TBC1D16: variants seen among roughly 807,000 people sequenced by gnomAD.
The protein encoded by TBC1D16 is TBC1 domain family member 16, also known as CTD-2529O21.1.
TBC1D16 carries 58 observed loss-of-function variants against 74.7 expected under a neutral mutation model. The observed-to-expected ratio is 0.78, with a 90% CI of 0.63 to 0.97. The LOEUF (loss-of-function observed/expected upper bound fraction) is 0.97, where lower values mean the gene tolerates loss of function less well. Among genes scored for constraint, TBC1D16 ranks in the 50% least tolerant of loss-of-function variants. TBC1D16 has a pLI of 0.00. For synonymous variants in TBC1D16, 493 were observed against 474.7 expected (o/e 1.04, Z -0.50); for missense variants, 1,014 against 1,079.5 (o/e 0.94, Z 0.85).
At position 79,939,606 on chromosome 17, in the gene TBC1D16, C is replaced by G. The variant is rs1159143852; in HGVS notation, c.*1253G>C. 1.3e-5 allele frequency: 2 copies of G among 152,202 alleles called. No individual in the cohort carries two copies. The highest frequency in any genetic ancestry group is 2.9e-5 in the Non-Finnish European group (2 of 68,068). 9.4% of individuals were successfully genotyped at this position (152,202 alleles called of 1,614,324 possible). On this transcript the variant is annotated 3_prime_UTR_variant, in exon 12 of 12. Coordinates refer to ENST00000310924, the MANE Select transcript of TBC1D16 (RefSeq NM_019020.4). ...GGAGTGGCTTTCTGTGCAAATGGCT[C>G]GACACTTCTAAGCTGGCTGGGAGTT...
chr17:79,996,946 T>A (rs2035294633), intron 3 of TBC1D16, among the ~76,000 whole-genome samples: 1 of 152,150 alleles, frequency 6.6e-6, no homozygotes, highest in Non-Finnish European at 1.5e-5. Context: ...GTGCTGCTAC[T>A]CAGCAGTAGA....
intron 9 of TBC1D16, among the ~76,000 whole-genome samples, chr17:79,945,912 G>C (rs2032495555): frequency 6.6e-6 from 1 of 152,264 alleles, no homozygotes; most frequent in Non-Finnish European, 1.5e-5. Flanking sequence ...TTCCCACACA[G>C]GTGGCCCATT....
At chr17:79,953,604 C>T (rs1404799841) in intron 3 of TBC1D16, among the ~76,000 whole-genome samples, 1 of 152,198 alleles carries the variant, frequency 6.6e-6, no homozygotes, top group African/African-American at 2.4e-5. Flanking sequence ...CCCATGTTCT[C>T]ACCAGCATAC....
chr17:79,969,300 C>T (rs945622115), intron 3 of TBC1D16, among the ~76,000 whole-genome samples: 4 of 152,186 alleles, frequency 2.6e-5, no homozygotes, highest in Admixed American at 6.5e-5. Flanking sequence ...GCAGGAGAAT[C>T]GCTTGAACCT....
Position 80,011,271 on chromosome 17 carries a change from G to A in TBC1D16, c.182-514C>T, listed in dbSNP as rs4132551. ...TATGTTGCCCAGGCTAGTCTCAAACGCCTGAGCTCAAGCGAACCGCCCACC... is the reference window on the plus strand; with the variant it reads ...TATGTTGCCCAGGCTAGTCTCAAACACCTGAGCTCAAGCGAACCGCCCACC... On this transcript the variant is annotated intron_variant, in intron 2 of 11. Coordinates refer to ENST00000310924, the MANE Select transcript of TBC1D16 (RefSeq NM_019020.4). 4.2e-4 allele frequency among the ~76,000 whole-genome samples: 63 copies of A among 149,466 alleles called. 3 individuals are homozygous for A. In the East Asian group the frequency reaches 0.012, roughly 27 times the overall value.
intron 1 of TBC1D16, among the ~76,000 whole-genome samples, chr17:80,020,149 G>A (rs1023929929): frequency 6.7e-6 from 1 of 149,738 alleles, no homozygotes; most frequent in Non-Finnish European, 1.5e-5. Flanking sequence ...GCCTCCTAAG[G>A]AAACAATCCT....
Position 79,981,362 on chromosome 17 carries a change from T to G in TBC1D16, c.780-28544A>C, listed in dbSNP as rs991488358. Among the ~76,000 whole-genome samples the G allele has an allele frequency of 6.6e-6, 1 of 152,166 alleles. No individual in the cohort carries two copies. The highest frequency in any genetic ancestry group is 6.5e-5 in the Admixed American group (1 of 15,286). On this transcript the variant is annotated intron_variant, in intron 3 of 11. Transcript: ENST00000310924. This position sits in a 1 kb window ranked among gnomAD's most constrained non-coding sequence, Gnocchi z 6.9. Reference sequence around the variant, plus strand: ...GGCGGGTATGTTCTTAGACCCTCCATCTGCCCGGGCCCTGCTGGGAGAAGG... The same window carrying G: ...GGCGGGTATGTTCTTAGACCCTCCAGCTGCCCGGGCCCTGCTGGGAGAAGG...
chr17:79,959,916 T>C (rs1252834691), intron 3 of TBC1D16, among the ~76,000 whole-genome samples: 1 of 151,510 alleles, frequency 6.6e-6, no homozygotes, highest in Non-Finnish European at 1.5e-5. Flanking sequence ...GAAACAAAAA[T>C]GCAAGTCACA....
intron 1 of TBC1D16, among the ~76,000 whole-genome samples, chr17:80,027,900 A>C (rs1047401174): frequency 1.3e-5 from 2 of 151,736 alleles, no homozygotes; most frequent in East Asian, 3.9e-4. Context: ...TCAAAAAAAA[A>C]AAAAAAAAAA....
chr17:80,015,517 T>A (rs1303461262), intron 1 of TBC1D16, among the ~76,000 whole-genome samples: 1 of 152,138 alleles, frequency 6.6e-6, no homozygotes, highest in Non-Finnish European at 1.5e-5. Flanking sequence ...TGTCCAGGAC[T>A]CTGACCACAG....
rs570957769 is a variant in TBC1D16, at chr17:80,017,410, G to A, written c.-62-3801C>T. 1.7e-4 allele frequency among the ~76,000 whole-genome samples: 26 copies of A among 152,148 alleles called. No homozygotes were observed. In the East Asian group the frequency reaches 2.3e-3, roughly 14 times the overall value. ...AAAAACGTAAAAACCGGCCAGGCGC[G>A]GTGGCTCACGCCTGTAATCTTGGTA... On this transcript the variant is annotated intron_variant, in intron 1 of 11. Coordinates refer to ENST00000310924, the MANE Select transcript of TBC1D16 (RefSeq NM_019020.4).
chr17:79,953,958 C>T (rs1355860626), intron 3 of TBC1D16, among the ~76,000 whole-genome samples: 4 of 152,014 alleles, frequency 2.6e-5, no homozygotes, highest in Admixed American at 1.3e-4. Context: ...TTAGTAGAGA[C>T]GAGGTTTCAC....
chr17:79,946,356 T>A (rs980887187), intron 9 of TBC1D16, among the ~76,000 whole-genome samples: 2 of 152,246 alleles, frequency 1.3e-5, no homozygotes, highest in African/African-American at 4.8e-5. Context: ...GAGAATCTAA[T>A]GCAGCCGCTG....
At position 79,941,962 on chromosome 17, in the gene TBC1D16, G is replaced by T; in HGVS notation, c.2055+98C>A. ...GTGGGGATGGGGCTCTGGGGGCGGG[G>T]CCCACATCTGGGGCAGCCTCACCTT... On this transcript the variant is annotated intron_variant, in intron 11 of 11. Transcript: ENST00000310924. This position sits in a 1 kb window ranked among gnomAD's most constrained non-coding sequence, Gnocchi z 4.3. 1 of 1,158,872 alleles carries T rather than the reference G, an allele frequency of 8.6e-7. No individual in the cohort carries two copies. Among genetic ancestry groups the T allele is most frequent in the Non-Finnish European group, 1.2e-6 (1 of 846,398 alleles). The allele number at this position is 1,158,872 out of a possible 1,614,324, so 71.8% of individuals were successfully genotyped here.
At chr17:79,947,045 C>T (rs887644726) in intron 9 of TBC1D16, among the ~76,000 whole-genome samples, 10 of 152,222 alleles carry the variant, frequency 6.6e-5, no homozygotes, top group African/African-American at 2.2e-4. Context: ...CGGTCCCACA[C>T]GCTGGCCCTC....
chr17:79,963,774 T>G (rs910048514), intron 3 of TBC1D16, among the ~76,000 whole-genome samples: 4 of 152,206 alleles, frequency 2.6e-5, no homozygotes, highest in African/African-American at 9.6e-5. Context: ...TAGCCATCCT[T>G]ATGGGTGGGA....
chr17:79,950,798 C>T lies in TBC1D16; in HGVS notation c.1090-220G>A, dbSNP rs965235029. ...TTTCCCTCTGCGGCTCTCTCCTCCC[C>T]GGCCCACTGTGCCGCCGCCCCCCAC... On this transcript the variant is annotated intron_variant, in intron 5 of 11. Coordinates refer to ENST00000310924, the MANE Select transcript of TBC1D16 (RefSeq NM_019020.4). This position sits in a 1 kb window ranked among gnomAD's most constrained non-coding sequence, Gnocchi z 4.6. 1.3e-6 allele frequency: 2 copies of T among 1,536,070 alleles called. No individual in the cohort carries two copies. Among genetic ancestry groups the T allele is most frequent in the Non-Finnish European group, 1.7e-6 (2 of 1,146,856 alleles).
At position 79,967,401 on chromosome 17, in the gene TBC1D16, A is replaced by G. The variant is rs138819915; in HGVS notation, c.780-14583T>C. On this transcript the variant is annotated intron_variant, in intron 3 of 11. Transcript: ENST00000310924. The stretch of plus-strand genomic sequence containing the variant: ...AATCTACACACATACACACACAGAA[A>G]ACCCACTGAAACCAATAAATGAAGT... Among the ~76,000 whole-genome samples, 291 of 152,318 alleles carry G rather than the reference A, an allele frequency of 1.9e-3. 1 individual carries two copies. Among genetic ancestry groups the G allele is most frequent in the African/African-American group, 6.6e-3 (275 of 41,562 alleles).
At position 79,956,954 on chromosome 17, in the gene TBC1D16, G is replaced by A. The variant is rs1000530335; in HGVS notation, c.780-4136C>T. Among the ~76,000 whole-genome samples, 1 of 152,186 alleles carries A rather than the reference G, an allele frequency of 6.6e-6. No individual in the cohort carries two copies. Among genetic ancestry groups the A allele is most frequent in the Non-Finnish European group, 1.5e-5 (1 of 68,032 alleles). ...CTGGGGGAGGTGTGCGGTGGCTCCTGGGTCCAGGACTCTTGCCTAGATAGA... is the reference window on the plus strand; with the variant it reads ...CTGGGGGAGGTGTGCGGTGGCTCCTAGGTCCAGGACTCTTGCCTAGATAGA... On this transcript the variant is annotated intron_variant, in intron 3 of 11. Coordinates refer to ENST00000310924, the MANE Select transcript of TBC1D16 (RefSeq NM_019020.4). This position sits in a 1 kb window ranked among gnomAD's most constrained non-coding sequence, Gnocchi z 4.0.
Sources: allele counts gnomAD v4.1 joint callset (sites outside exome capture counted in the v4.1 genomes callset), GRCh38; gene constraint gnomAD v4.1.1; non-coding constraint Gnocchi (gnomAD v3.1); transcripts MANE v1.5; gene names NCBI Gene and HGNC (gene_info 2026-07-23, HGNC 2026-07-21).